The following SLC39A11 variants were observed in gnomAD, a reference collection of about 807,000 sequenced individuals.
SLC39A11 encodes the protein zinc transporter ZIP11.
Under a neutral mutation model 36.1 loss-of-function variants are expected in SLC39A11, and 33 were observed. That is an observed-to-expected ratio of 0.91 (90% CI 0.69 to 1.22). SLC39A11 has a LOEUF of 1.22. SLC39A11 is among the 50% of genes most tolerant of loss of function. The pLI, the probability that SLC39A11 is intolerant of heterozygous loss-of-function variation, is 0.00. For missense variants in SLC39A11, 432 were observed against 430.3 expected, an observed-to-expected ratio of 1.00 and a Z score of -0.03; for synonymous variants, 166 against 170.3, an observed-to-expected ratio of 0.97 and a Z score of 0.20.
intron 5 of SLC39A11, among the ~76,000 whole-genome samples, chr17:72,914,588 A>C (rs2147159469): frequency 6.6e-6 from 1 of 152,140 alleles, no homozygotes; most frequent in African/African-American, 2.4e-5. Context: ...AGTTGTATAA[A>C]ACGTTGAATA....
At position 72,961,005 on chromosome 17, in the gene SLC39A11, C is replaced by T. The variant is rs965606602; in HGVS notation, c.307-13130G>A. On this transcript the variant is annotated intron_variant, in intron 4 of 9. Coordinates refer to ENST00000255559, the MANE Select transcript of SLC39A11 (RefSeq NM_139177.4). ...CTTTGGCAACCATAAAATGATTTTT[C>T]CTGACTCCAGGAACACGAGGGTGAG... Among the ~76,000 whole-genome samples the T allele has an allele frequency of 2.6e-5, 4 of 152,078 alleles. No homozygotes were observed. In the South Asian group the frequency reaches 8.3e-4, roughly 32 times the overall value.
rs183470903 is a variant in SLC39A11 at position 72,877,952 on chromosome 17, A to C, written c.431-28148T>G. 1.8e-3 allele frequency among the ~76,000 whole-genome samples: 256 copies of C among 145,144 alleles called. 1 individual carries two copies. Among genetic ancestry groups the C allele is most frequent in the African/African-American group, 6.2e-3 (247 of 39,626 alleles). ...TCATTTAGCGTTAAGTATATCTCCT[A>C]ATGCTATCCCTCCTCCCTCCCCCCA... On this transcript the variant is annotated intron_variant, in intron 5 of 9. Coordinates refer to ENST00000255559, the MANE Select transcript of SLC39A11 (RefSeq NM_139177.4).
chr17:72,942,750 G>A (rs1192414640), intron 5 of SLC39A11, among the ~76,000 whole-genome samples: 6 of 152,176 alleles, frequency 3.9e-5, no homozygotes, highest in Non-Finnish European at 5.9e-5. Context: ...TGGAATGTAC[G>A]TGGCTGAGCT....
intron 6 of SLC39A11, among the ~76,000 whole-genome samples, chr17:72,841,350 G>C (rs768195959): frequency 6.6e-6 from 1 of 152,140 alleles, no homozygotes; most frequent in African/African-American, 2.4e-5. Flanking sequence ...ACACACAATG[G>C]CGTATTATTC....
chr17:72,884,632 G>C (rs190826629), intron 5 of SLC39A11, among the ~76,000 whole-genome samples: 153 of 152,330 alleles, frequency 1.0e-3, no homozygotes, highest in African/African-American at 3.6e-3. Context: ...TTACTATGGT[G>C]AGGCAGACTG....
intron 6 of SLC39A11, among the ~76,000 whole-genome samples, chr17:72,842,534 T>A (rs2078863869): frequency 6.6e-6 from 1 of 152,166 alleles, no homozygotes; most frequent in Admixed American, 6.5e-5. Flanking sequence ...AGGAACTCAA[T>A]TGCTAGGTGA....
At chr17:72,973,082 C>T (rs1454294276) in intron 4 of SLC39A11, among the ~76,000 whole-genome samples, 1 of 151,370 alleles carries the variant, frequency 6.6e-6, no homozygotes, top group African/African-American at 2.4e-5. Flanking sequence ...ATACCCCAAG[C>T]TGCCTTCTGC....
intron 3 of SLC39A11, 66 bp downstream of exon 3, chr17:73,084,742 C>G: frequency 6.5e-7 from 1 of 1,550,346 alleles, no homozygotes; most frequent in Non-Finnish European, 8.9e-7. Context: ...TGAAGACAGC[C>G]CTTGGCAGAC....
chr17:73,030,424 A>G (rs2058702647), intron 4 of SLC39A11, among the ~76,000 whole-genome samples: 1 of 152,198 alleles, frequency 6.6e-6, no homozygotes, highest in South Asian at 2.1e-4. Flanking sequence ...AGAATCACCC[A>G]TCATTCCTTC....
At chr17:72,734,887 C>T (rs887957480) in intron 7 of SLC39A11, among the ~76,000 whole-genome samples, 5 of 152,154 alleles carry the variant, frequency 3.3e-5, no homozygotes, top group African/African-American at 1.2e-4. Flanking sequence ...CCCGTGGATA[C>T]TGCTTGACTC....
chr17:72,662,872 A>G (rs1229295789), intron 7 of SLC39A11, among the ~76,000 whole-genome samples: 2 of 152,238 alleles, frequency 1.3e-5, no homozygotes, highest in Non-Finnish European at 2.9e-5. Flanking sequence ...GAGTGCTGTT[A>G]TTCATGGCAG....
At chr17:73,067,885 C>A (rs2060044068) in intron 3 of SLC39A11, 2 of 1,607,464 alleles carry the variant, frequency 1.2e-6, no homozygotes, top group Non-Finnish European at 1.7e-6. Context: ...ATGCCTGAGA[C>A]TTGCAGTAAT....
chr17:73,031,708 A>AT lies in SLC39A11; in HGVS notation c.153_154insA (p.Leu52IlefsTer14), dbSNP rs1276950612. ...AGAAGAGACCAATAGGAAGCTGCCA[A>AT]CATGACCTACAAAAACCACAACGAG... On this transcript the variant is annotated frameshift_variant, in exon 4 of 10. Transcript: ENST00000255559. LOFTEE classifies it high-confidence loss of function. The AT allele has an allele frequency of 1.9e-6, 3 of 1,613,456 alleles. No homozygotes were observed. In the South Asian group the frequency reaches 3.3e-5, roughly 18 times the overall value.
chr17:72,649,680 A>T (rs1237388907), intron 7 of SLC39A11, among the ~76,000 whole-genome samples: 3 of 134,098 alleles, frequency 2.2e-5, no homozygotes, highest in Non-Finnish European at 4.6e-5. Context: ...CTCGCTCTGG[A>T]GACTCCAGGC....
intron 6 of SLC39A11, among the ~76,000 whole-genome samples, chr17:72,829,642 G>A (rs960851626): frequency 6.6e-6 from 1 of 152,162 alleles, no homozygotes; most frequent in Non-Finnish European, 1.5e-5. Context: ...ACATGTCTGG[G>A]ATTCCGGACA....
chr17:72,833,830 C>T (rs1305783284), intron 6 of SLC39A11, among the ~76,000 whole-genome samples: 6 of 152,126 alleles, frequency 3.9e-5, no homozygotes, highest in South Asian at 2.1e-4. Context: ...CGGCACAACT[C>T]GCAACCCACT....
At chr17:73,051,273 G>T (rs574290010) in intron 3 of SLC39A11, among the ~76,000 whole-genome samples, 1 of 152,064 alleles carries the variant, frequency 6.6e-6, no homozygotes, top group Non-Finnish European at 1.5e-5. Flanking sequence ...TCCTAATGTG[G>T]TATGACCTCA....
At chr17:72,974,128 T>C (rs761543448) in intron 4 of SLC39A11, among the ~76,000 whole-genome samples, 1 of 151,836 alleles carries the variant, frequency 6.6e-6, no homozygotes, top group Non-Finnish European at 1.5e-5. Context: ...TGAGATGGAG[T>C]CTCACTCTGT....
At chr17:72,836,820 G>T (rs1276742349) in intron 6 of SLC39A11, among the ~76,000 whole-genome samples, 2 of 152,112 alleles carry the variant, frequency 1.3e-5, no homozygotes, top group African/African-American at 4.8e-5. Flanking sequence ...GCATGCCTTT[G>T]TGTGGTGTTC....
Sources: allele counts gnomAD v4.1 joint callset (sites outside exome capture counted in the v4.1 genomes callset), GRCh38; gene constraint gnomAD v4.1.1; transcripts MANE v1.5; gene names NCBI Gene and HGNC (gene_info 2026-07-23, HGNC 2026-07-21).